Variants in ZCCHC24 observed in about 807,000 individuals in gnomAD.
ZCCHC24 encodes the protein zinc finger CCHC-type containing 24.
A neutral mutation model predicts 26.2 loss-of-function variants in ZCCHC24; 10 were observed. The observed-to-expected ratio is 0.38, with a 90% CI of 0.24 to 0.65. The LOEUF is 0.65. ZCCHC24 is among the 30% of genes least tolerant of loss of function. The pLI, the probability that ZCCHC24 is intolerant of heterozygous loss-of-function variation, is 0.54. For missense variants in ZCCHC24, 243 were observed against 329.1 expected (o/e 0.74, Z 2.03); for synonymous variants, 144 against 147.1 (o/e 0.98, Z 0.15).
At chr10:79,429,909 A>G (rs1481723445) in intron 2 of ZCCHC24, among the ~76,000 whole-genome samples, 1 of 152,110 alleles carries the variant, frequency 6.6e-6, no homozygotes, top group Non-Finnish European at 1.5e-5. Flanking sequence ...GCTGCGTGTG[A>G]GGTCCCTTGA....
intron 2 of ZCCHC24, among the ~76,000 whole-genome samples, chr10:79,419,324 C>T (rs1856909117): frequency 6.6e-6 from 1 of 152,340 alleles, no homozygotes; most frequent in Non-Finnish European, 1.5e-5. Context: ...GCTTTCCACA[C>T]ACACTCTGCA....
At position 79,445,284 on chromosome 10, in the gene ZCCHC24, G is replaced by T; in HGVS notation, c.157C>A (p.Leu53Met). Residue 53 changes from leucine (L) to methionine (M), a missense_variant, in exon 1 of 4, where the codon CTG becomes ATG. Leu to Met is a conservative substitution (Grantham distance 15). Around this residue, in one of 2 missense-constraint regions of ZCCHC24, gnomAD observed 147 missense variants for 150.8 expected, o/e 0.97. Transcript: ENST00000372336. ...TCGGGGCGGCCCTTGCCGAAGGCCAGCTCCGGGGGTGCGGCGCCGGCGGTC... is the reference window on the plus strand; with the variant it reads ...TCGGGGCGGCCCTTGCCGAAGGCCATCTCCGGGGGTGCGGCGCCGGCGGTC... ...EPTAGAAPPELAFGKGRPEQL... is the reference protein window; with the variant it reads ...EPTAGAAPPEMAFGKGRPEQL... The T allele has an allele frequency of 6.8e-7, 1 of 1,481,214 alleles. No homozygotes were observed. 91.8% of individuals were successfully genotyped at this position (1,481,214 alleles called of 1,614,324 possible).
chr10:79,394,184 C>G (rs1440270284), intron 3 of ZCCHC24, 92 bp downstream of exon 3: 1 of 1,491,958 alleles, frequency 6.7e-7, no homozygotes, highest in Non-Finnish European at 9.0e-7. Context: ...TTAGAGAGAT[C>G]TCCCTTGTAG....
rs1367586667 is a variant in ZCCHC24, at chr10:79,432,671, A to C, written c.334T>G (p.Phe112Val). 1 of 1,609,052 alleles carries C rather than the reference A, an allele frequency of 6.2e-7. No homozygotes were observed. The highest frequency in any genetic ancestry group is 1.3e-5 in the African/African-American group (1 of 74,604). Residue 112 changes from phenylalanine (F) to valine (V), a missense_variant, in exon 2 of 4, where the codon TTC (phenylalanine) becomes GTC (valine). Physicochemically the swap from Phe to Val is conservative, Grantham distance 50. Around this residue, in one of 2 missense-constraint regions of ZCCHC24, gnomAD observed 96 missense variants for 178.3 expected, o/e 0.54. Transcript: ENST00000372336. ...ADGLSSLTEH[F>V]SDLTLTSEAR... ...TCGGAGGTGAGGGTCAGGTCTGAGA[A>C]GTGCTCGGTGAGGGAGCTGAGGCCA...
At chr10:79,406,747 C>T (rs1333650193) in intron 2 of ZCCHC24, among the ~76,000 whole-genome samples, 4 of 152,216 alleles carry the variant, frequency 2.6e-5, no homozygotes, top group African/African-American at 9.7e-5. Context: ...AGGCAGGAAA[C>T]AGCAGAGCTG....
rs531568857 is a variant in ZCCHC24 at position 79,427,713 on chromosome 10, C to T, written c.447+4845G>A. Among the ~76,000 whole-genome samples the T allele has an allele frequency of 2.1e-3, 325 of 152,112 alleles. 1 individual carries two copies. Among genetic ancestry groups the T allele is most frequent in the Non-Finnish European group, 3.7e-3 (255 of 68,014 alleles). On this transcript the variant is annotated intron_variant, in intron 2 of 3. Coordinates refer to ENST00000372336, the MANE Select transcript of ZCCHC24 (RefSeq NM_153367.4). ...GAGGAAAATTCATAGCTGTAATTAT[C>T]TACATTGAGAAAAGAAGGGGCCAGA...
intron 1 of ZCCHC24, among the ~76,000 whole-genome samples, chr10:79,443,302 A>C (rs1360882782): frequency 6.6e-6 from 1 of 152,212 alleles, no homozygotes; most frequent in Non-Finnish European, 1.5e-5. Context: ...AAAAAGCAGC[A>C]CAACATCCTA....
chr10:79,411,680 C>T (rs1052812008), intron 2 of ZCCHC24, among the ~76,000 whole-genome samples: 1 of 152,192 alleles, frequency 6.6e-6, no homozygotes, highest in African/African-American at 2.4e-5. Flanking sequence ...GACTCCAGCC[C>T]ACACAGCCTG....
intron 1 of ZCCHC24, among the ~76,000 whole-genome samples, chr10:79,436,963 T>A (rs1040596285): frequency 2.0e-5 from 3 of 152,224 alleles, no homozygotes; most frequent in Admixed American, 1.3e-4. Context: ...GGACCATGCA[T>A]CACACTCCTG....
chr10:79,427,263 TTAAAA>T (rs1200051431), intron 2 of ZCCHC24, among the ~76,000 whole-genome samples: 1 of 152,088 alleles, frequency 6.6e-6, no homozygotes, highest in Non-Finnish European at 1.5e-5. Context: ...ATATCCCCAC[TTAAAA>T]TAATAATAAA....
chr10:79,399,938 G>C (rs1010110597), intron 2 of ZCCHC24, among the ~76,000 whole-genome samples: 5 of 152,202 alleles, frequency 3.3e-5, no homozygotes, highest in African/African-American at 1.2e-4. Context: ...GCAAGCAGAG[G>C]CTGAGAGAAC....
intron 1 of ZCCHC24, among the ~76,000 whole-genome samples, chr10:79,439,757 T>C (rs144439018): frequency 0.028 from 3,992 of 144,908 alleles, 182 homozygotes; most frequent in African/African-American, 0.099. Flanking sequence ...ATTGTGCCAC[T>C]GCACTCCAAC....
At chr10:79,397,578 T>C (rs531213689) in intron 2 of ZCCHC24, among the ~76,000 whole-genome samples, 19 of 152,266 alleles carry the variant, frequency 1.2e-4, no homozygotes, top group Non-Finnish European at 2.2e-4. Context: ...CACTCCCCCA[T>C]GTCTCCCCAG....
chr10:79,434,804 A>G (rs1857191491), intron 1 of ZCCHC24, among the ~76,000 whole-genome samples: 1 of 152,216 alleles, frequency 6.6e-6, no homozygotes, highest in Non-Finnish European at 1.5e-5. Context: ...AAGAGCATTC[A>G]TGCTGTTGTG....
At chr10:79,439,705 T>A (rs1857264242) in intron 1 of ZCCHC24, among the ~76,000 whole-genome samples, 1 of 150,936 alleles carries the variant, frequency 6.6e-6, no homozygotes, top group Non-Finnish European at 1.5e-5. Flanking sequence ...GGCAGGAGAA[T>A]CTCTTGAACC....
At chr10:79,417,081 C>G (rs1456231331) in intron 2 of ZCCHC24, among the ~76,000 whole-genome samples, 1 of 152,212 alleles carries the variant, frequency 6.6e-6, no homozygotes, top group Non-Finnish European at 1.5e-5. Context: ...TTTCTGCCAG[C>G]CTTCCCCCTC....
At chr10:79,433,726 G>A (rs180923356) in intron 1 of ZCCHC24, among the ~76,000 whole-genome samples, 12 of 152,306 alleles carry the variant, frequency 7.9e-5, no homozygotes, top group African/African-American at 2.6e-4. Context: ...ACCTTGGGGG[G>A]CCTTGTGTCT....
intron 2 of ZCCHC24, among the ~76,000 whole-genome samples, chr10:79,417,249 A>G (rs1417597338): frequency 7.3e-6 from 1 of 136,674 alleles, no homozygotes; most frequent in Non-Finnish European, 1.7e-5. Context: ...CCCAGGAAGG[A>G]GCAGAGGAGC....
chr10:79,409,107 C>G (rs749859749), intron 2 of ZCCHC24: 5 of 152,260 alleles, frequency 3.3e-5, no homozygotes, highest in Non-Finnish European at 5.9e-5. Flanking sequence ...CATTCCTGAC[C>G]TAGATGATCC....
Sources: gnomAD v4.1 joint callset for allele counts (sites outside exome capture counted in the v4.1 genomes callset) on GRCh38, gnomAD v4.1.1 for gene constraint, gnomAD v4.1.1 regional missense constraint, MANE v1.5 for transcripts, NCBI Gene and HGNC (gene_info 2026-07-23, HGNC 2026-07-21) for gene names.